Variants in ADARB2 observed in about 807,000 individuals in gnomAD.
ADARB2 encodes inactive double-stranded RNA-specific editase B2.
Under a neutral mutation model 62.2 loss-of-function variants are expected in ADARB2, and 25 were observed. The ratio of observed to expected loss-of-function variants is 0.40; its 90% CI spans 0.29 to 0.56. ADARB2 has a LOEUF of 0.56. Among genes scored for constraint, ADARB2 ranks in the 20% least tolerant of loss-of-function variants. The pLI, the probability that ADARB2 is intolerant of heterozygous loss-of-function variation, is 0.43. For synonymous variants in ADARB2, 572 were observed against 500.8 expected (o/e 1.14, Z -1.90); for missense variants, 1,071 against 1,077.4 (o/e 0.99, Z 0.08).
intron 5 of ADARB2, among the ~76,000 whole-genome samples, chr10:1,241,300 A>G (rs1830919896): frequency 1.3e-5 from 2 of 152,160 alleles, no homozygotes; most frequent in African/African-American, 2.4e-5. Flanking sequence ...TGTTGTTTTC[A>G]GCAGCGTCTG....
chr10:1,497,350 T>C (rs1421165889), intron 1 of ADARB2, among the ~76,000 whole-genome samples: 2 of 152,228 alleles, frequency 1.3e-5, no homozygotes, highest in African/African-American at 4.8e-5. Context: ...CTTCATCATA[T>C]GAAATATTGC....
At chr10:1,690,073 A>C (rs1834649640) in intron 1 of ADARB2, among the ~76,000 whole-genome samples, 1 of 152,230 alleles carries the variant, frequency 6.6e-6, no homozygotes. Flanking sequence ...TGGGAAGAAA[A>C]GAAAGCATTG....
chr10:1,661,845 C>G (rs1476186639), intron 1 of ADARB2, among the ~76,000 whole-genome samples: 2 of 152,172 alleles, frequency 1.3e-5, no homozygotes, highest in East Asian at 3.9e-4. Context: ...GAATCAGGCA[C>G]TCAAGTCTCT....
intron 1 of ADARB2, among the ~76,000 whole-genome samples, chr10:1,513,764 T>G (rs1202817749): frequency 6.6e-6 from 1 of 152,156 alleles, no homozygotes; most frequent in African/African-American, 2.4e-5. Context: ...CCGGTAGAGT[T>G]GGATCACAGC....
chr10:1,383,435 TA>T (rs36078172), intron 1 of ADARB2, among the ~76,000 whole-genome samples: 63,671 of 147,390 alleles, frequency 0.43, 13,900 homozygotes, highest in Middle Eastern at 0.51. Context: ...TGAGTATGAT[TA>T]AAAAAAAAAA....
At chr10:1,379,228 G>A in intron 1 of ADARB2, 68 bp from the exon 2 acceptor site, 5 of 1,303,490 alleles carry the variant, frequency 3.8e-6, no homozygotes, top group Non-Finnish European at 5.5e-6. Flanking sequence ...GCTTTTATAA[G>A]TTCTTATTAC....
chr10:1,380,188 A>T (rs1300262630), intron 1 of ADARB2, among the ~76,000 whole-genome samples: 1 of 152,228 alleles, frequency 6.6e-6, no homozygotes, highest in African/African-American at 2.4e-5. Context: ...CACATGTGCC[A>T]TTATGAACCT....
At chr10:1,639,340 G>A (rs1441541774) in intron 1 of ADARB2, among the ~76,000 whole-genome samples, 2 of 152,338 alleles carry the variant, frequency 1.3e-5, no homozygotes, top group Non-Finnish European at 2.9e-5. Context: ...GGCCCTGGAA[G>A]AGAAGTCCCC....
At chr10:1,303,462 T>C (rs1384438960) in intron 3 of ADARB2, among the ~76,000 whole-genome samples, 10 of 152,128 alleles carry the variant, frequency 6.6e-5, no homozygotes, top group Non-Finnish European at 1.3e-4. Context: ...CTGCAGGATA[T>C]TATCCAGGAG....
In ADARB2 at chr10:1,363,863, C is replaced by T; in HGVS notation, c.242G>A (p.Arg81Gln). The stretch of plus-strand genomic sequence containing the variant: ...GGCCCGGTCCCCGGAGGGCGGTGGC[C>T]GCGCGGCCAGGTTGCCCACGTTGCG... ...ENRNVGNLAA[R>Q]PPPSGDRARG... Residue 81 changes from arginine to glutamine, a missense_variant, in exon 3 of 10, where the codon CGG becomes CAG. Transcript: ENST00000381312. The T allele has an allele frequency of 1.3e-6, 2 of 1,508,484 alleles. No individual in the cohort carries two copies. Among genetic ancestry groups the T allele is most frequent in the Non-Finnish European group, 1.8e-6 (2 of 1,138,660 alleles). 93.4% of individuals were successfully genotyped at this position (1,508,484 alleles called of 1,614,324 possible). A position where few individuals can be genotyped will look rare whatever the true frequency, so the allele number is the denominator to read the frequency against.
At chr10:1,574,649 T>C (rs1832986215) in intron 1 of ADARB2, among the ~76,000 whole-genome samples, 1 of 152,212 alleles carries the variant, frequency 6.6e-6, no homozygotes. Flanking sequence ...CCTCTGTGCA[T>C]GTCTGTGTCC....
chr10:1,606,332 C>A (rs1236871318), intron 1 of ADARB2, among the ~76,000 whole-genome samples: 1 of 148,942 alleles, frequency 6.7e-6, no homozygotes, highest in Non-Finnish European at 1.5e-5. Context: ...GGGGGAGCAT[C>A]CTGGCTGTGC....
At chr10:1,518,538 C>T (rs923231321) in intron 1 of ADARB2, among the ~76,000 whole-genome samples, 3 of 152,206 alleles carry the variant, frequency 2.0e-5, no homozygotes, top group Non-Finnish European at 4.4e-5. Context: ...TGTTGTCATA[C>T]GCCTGCATTT....
rs187211668 is a variant in ADARB2, at chr10:1,540,842, A to C, written c.101-161682T>G. On this transcript the variant is annotated intron_variant, in intron 1 of 9. Transcript: ENST00000381312. ...CACTCAGATGTAGTTCAGACCCTGG[A>C]TCCGTCCAGACCCCACTCAGACGTA... is the stretch of plus-strand genomic sequence containing the variant. 2.6e-3 allele frequency among the ~76,000 whole-genome samples: 124 copies of C among 47,884 alleles called. 32 individuals are homozygous for C. The highest frequency in any genetic ancestry group is 8.0e-3 in the African/African-American group (113 of 14,108). The allele number at this position is 47,884 out of a possible 152,430, so 31.4% of individuals were successfully genotyped here. A position where few individuals can be genotyped will look rare whatever the true frequency, so the allele number is the denominator to read the frequency against.
In ADARB2 at chr10:1,292,211, C is replaced by T. The variant is rs181739924; in HGVS notation, c.1078-21142G>A. The T allele has an allele frequency of 7.4e-3, 1,125 of 152,510 alleles. 7 individuals carry two copies. Among genetic ancestry groups the T allele is most frequent in the Admixed American group, 0.013 (194 of 15,302 alleles). 9.4% of individuals were successfully genotyped at this position (152,510 alleles called of 1,614,324 possible). On this transcript the variant is annotated intron_variant, in intron 3 of 9. Coordinates refer to ENST00000381312, the MANE Select transcript of ADARB2 (RefSeq NM_018702.4). Reference sequence around the variant, plus strand: ...ACTCCTTGGCCTCAAGCCATCCTCCCGCCTCAGCCTCCCACAGTGCTGAGA... The same window carrying T: ...ACTCCTTGGCCTCAAGCCATCCTCCTGCCTCAGCCTCCCACAGTGCTGAGA...
chr10:1,675,936 C>A (rs2119111471), intron 1 of ADARB2: 1 of 929,686 alleles, frequency 1.1e-6, no homozygotes, highest in Non-Finnish European at 1.3e-6. Context: ...AGAGTTGAAT[C>A]TGCTCAGACT....
At chr10:1,618,865 G>A (rs775944360) in intron 1 of ADARB2, among the ~76,000 whole-genome samples, 11 of 152,254 alleles carry the variant, frequency 7.2e-5, no homozygotes, top group Non-Finnish European at 1.0e-4. Flanking sequence ...TTCCAGCAAT[G>A]GCCATTTGAA....
intron 2 of ADARB2, among the ~76,000 whole-genome samples, chr10:1,372,301 G>A (rs1037286902): frequency 5.4e-5 from 7 of 129,190 alleles, no homozygotes; most frequent in African/African-American, 1.8e-4. Context: ...CAGACACTGA[G>A]GACTTGAGAA....
chr10:1,685,285 C>A (rs932412349), intron 1 of ADARB2, among the ~76,000 whole-genome samples: 1 of 152,114 alleles, frequency 6.6e-6, no homozygotes, highest in Non-Finnish European at 1.5e-5. Context: ...AGAGACACAG[C>A]GGCCACCTGA....
Sources: gnomAD v4.1 joint callset for allele counts (sites outside exome capture counted in the v4.1 genomes callset) on GRCh38, gnomAD v4.1.1 for gene constraint, MANE v1.5 for transcripts, NCBI Gene and HGNC (gene_info 2026-07-23, HGNC 2026-07-21) for gene names.